Variants in RHPN1 observed in about 807,000 individuals in gnomAD.
RHPN1 encodes rhophilin Rho GTPase binding protein 1.
A neutral mutation model predicts 74.7 loss-of-function variants in RHPN1; 77 were observed. The observed-to-expected ratio is 1.03, with a 90% CI of 0.86 to 1.25. The LOEUF is 1.25. Ranked by LOEUF, RHPN1 falls within the 50% of genes most tolerant of loss-of-function variation. RHPN1 has a pLI of 0.00. For synonymous variants in RHPN1, 444 were observed against 414.5 expected, an observed-to-expected ratio of 1.07 and a Z score of -0.87; for missense variants, 987 against 932.2, an observed-to-expected ratio of 1.06 and a Z score of -0.77.
intron 8 of RHPN1, 88 bp downstream of exon 8, chr8:143,379,596 CTCCT>C (rs1239791608): frequency 2.7e-6 from 4 of 1,460,402 alleles, no homozygotes. Flanking sequence ...GCTCTCCCAC[CTCCT>C]TCCTTGTGTG....
At chr8:143,377,282 G>A (rs1818345460) in intron 3 of RHPN1, 98 bp from the exon 4 acceptor site, 2 of 895,002 alleles carry the variant, frequency 2.2e-6, no homozygotes, top group South Asian at 3.0e-5. Flanking sequence ...ATGAGGGAGG[G>A]AGGCACCCTG....
Position 143,381,914 on chromosome 8 carries a change from G to A in RHPN1, c.1743G>A (p.Ala581=), listed in dbSNP as rs761766709. 2.4e-5 allele frequency: 38 copies of A among 1,611,464 alleles called. 1 individual carries two copies. The highest frequency in any genetic ancestry group is 1.6e-4 in the East Asian group (7 of 44,868). ...VVTELKAAGE[A]GASLQVVSLL... ...CGGAGCTGAAGGCTGCGGGAGAGGC[G>A]GGCGCCAGCCTGCAGGTGGTGTCGC... Residue 581 remains alanine, a synonymous_variant, in exon 14 of 15, where the codon GCG becomes GCA. Transcript: ENST00000289013.
Position 143,375,564 on chromosome 8 carries a change from C to T in RHPN1, c.72C>T (p.Ser24=). Residue 24 remains serine (S), a synonymous_variant, in exon 2 of 15, where the codon TCC becomes TCT. Coordinates refer to ENST00000289013, the MANE Select transcript of RHPN1 (RefSeq NM_052924.3). ...EESPRLQGCD[S]LTQIQCGQLQ... Reference sequence around the variant, plus strand: ...TGGCCTCCCTGCAGGGCTGTGACTCCCTGACGCAGATCCAGTGCGGCCAGC... The same window carrying T: ...TGGCCTCCCTGCAGGGCTGTGACTCTCTGACGCAGATCCAGTGCGGCCAGC... The T allele has an allele frequency of 6.3e-7, 1 of 1,598,422 alleles. No homozygotes were observed. The highest frequency in any genetic ancestry group is 8.5e-7 in the Non-Finnish European group (1 of 1,174,680).
In RHPN1 at chr8:143,378,356, T is replaced by TCC; in HGVS notation, c.459+14_459+15dup. 3 of 1,525,440 alleles carry TCC rather than the reference T, an allele frequency of 2.0e-6. No homozygotes were observed. The highest frequency in any genetic ancestry group is 2.4e-5 in the South Asian group (2 of 83,568). The allele number at this position is 1,525,440 out of a possible 1,614,324, so 94.5% of individuals were successfully genotyped here. ...GGAGGCCCTGCGGCAGGTGTGTGGT[T>TCC]CCCCCGCCCACCCACCCTCCTGCAG... On this transcript the variant is annotated intron_variant, in intron 5 of 14. Coordinates refer to ENST00000289013, the MANE Select transcript of RHPN1 (RefSeq NM_052924.3).
chr8:143,381,194 C>A, intron 11 of RHPN1, 74 bp from the exon 12 acceptor site: 1 of 1,294,122 alleles, frequency 7.7e-7, no homozygotes, highest in Non-Finnish European at 1.1e-6. Flanking sequence ...CAGGGTCATG[C>A]CCTGCGCCCT....
chr8:143,382,843 C>T lies in RHPN1; in HGVS notation c.*192C>T. 1 of 595,680 alleles carries T rather than the reference C, an allele frequency of 1.7e-6. No individual in the cohort carries two copies. Among genetic ancestry groups the T allele is most frequent in the South Asian group, 2.0e-5 (1 of 48,812 alleles). The allele number at this position is 595,680 out of a possible 1,614,324, so 36.9% of individuals were successfully genotyped here. On this transcript the variant is annotated 3_prime_UTR_variant, in exon 15 of 15. Coordinates refer to ENST00000289013, the MANE Select transcript of RHPN1 (RefSeq NM_052924.3). ...AGTGATGGGAGCTGTGGCCTCTTCACCCACACACAGAAGGATGCCAGTCCC... is the reference window on the plus strand; with the variant it reads ...AGTGATGGGAGCTGTGGCCTCTTCATCCACACACAGAAGGATGCCAGTCCC...
intron 11 of RHPN1, 49 bp downstream of exon 11, chr8:143,380,832 G>A: frequency 7.0e-7 from 1 of 1,425,704 alleles, no homozygotes; most frequent in South Asian, 1.4e-5. Context: ...GCCAGGGTGG[G>A]GGCCTTCGTC....
chr8:143,379,994 C>T lies in RHPN1; in HGVS notation c.1102+9C>T, dbSNP rs1389445336. Reference sequence around the variant, plus strand: ...CCTCTGCGACGGCTCCCGTGAGTGCCCACCACACTTGCCCATGGTACTGCC... The same window carrying T: ...CCTCTGCGACGGCTCCCGTGAGTGCTCACCACACTTGCCCATGGTACTGCC... On this transcript the variant is annotated intron_variant, in intron 9 of 14. Coordinates refer to ENST00000289013, the MANE Select transcript of RHPN1 (RefSeq NM_052924.3). The T allele has an allele frequency of 3.2e-6, 5 of 1,557,164 alleles. No individual in the cohort carries two copies. Among genetic ancestry groups the T allele is most frequent in the Non-Finnish European group, 1.7e-6 (2 of 1,151,530 alleles).
chr8:143,365,027 C>T (rs1817541864), upstream of RHPN1, among the ~76,000 whole-genome samples: 1 of 152,106 alleles, frequency 6.6e-6, no homozygotes, highest in Admixed American at 6.6e-5. Context: ...GTTTGTGCAC[C>T]TCTAAATACA....
intron 11 of RHPN1, among the ~76,000 whole-genome samples, chr8:143,381,009 C>T (rs1449090392): frequency 6.6e-6 from 1 of 152,234 alleles, no homozygotes; most frequent in Non-Finnish European, 1.5e-5. Context: ...CACTGGCCTC[C>T]TACCCTGAGG....
At position 143,380,217 on chromosome 8, in the gene RHPN1, C is replaced by G. The variant is rs1015753419; in HGVS notation, c.1216+42C>G. On this transcript the variant is annotated intron_variant, in intron 10 of 14. Transcript: ENST00000289013. ...TGGAGTGCCCTGGGGCTCAGATGGTCACCAACGGTGGCAGGGTGTCCCCCA... is the reference window on the plus strand; with the variant it reads ...TGGAGTGCCCTGGGGCTCAGATGGTGACCAACGGTGGCAGGGTGTCCCCCA... 5 of 1,355,384 alleles carry G rather than the reference C, an allele frequency of 3.7e-6. No individual in the cohort carries two copies. The African/African-American group carries it at 7.3e-5, about 20-fold the overall frequency. The allele number at this position is 1,355,384 out of a possible 1,614,324, so 84.0% of individuals were successfully genotyped here.
chr8:143,382,505 A>G lies in RHPN1; in HGVS notation c.1867A>G (p.Thr623Ala). Residue 623 changes from threonine (T) to alanine (A), a missense_variant, in exon 15 of 15, where the codon ACC (threonine) becomes GCC (alanine). Transcript: ENST00000289013. The stretch of plus-strand genomic sequence containing the variant: ...GAGCCAGAGGGAGCATGGTTGCAAG[A>G]CCCCGGCATCCACGTGGGCCAGTCC... ...LRSQREHGCK[T>A]PASTWASPRP... 1 of 1,607,566 alleles carries G rather than the reference A, an allele frequency of 6.2e-7. No individual in the cohort carries two copies. Among genetic ancestry groups the G allele is most frequent in the Non-Finnish European group, 8.5e-7 (1 of 1,177,882 alleles).
chr8:143,369,104 G>GC (rs1006052406), intron 1 of RHPN1, 57 bp downstream of exon 1: 345 of 1,351,578 alleles, frequency 2.6e-4, no homozygotes, highest in Non-Finnish European at 3.1e-4. Context: ...GCCTTTTCCT[G>GC]CCCCCCCTCG....
chr8:143,375,588 G>C lies in RHPN1; in HGVS notation c.96G>C (p.Gln32His). Reference protein sequence around the residue: ...CDSLTQIQCGQLQSRRAQIHQ... With the variant: ...CDSLTQIQCGHLQSRRAQIHQ... ...CCCTGACGCAGATCCAGTGCGGCCAGCTGCAGAGCCGCAGGGCCCAGATTC... is the reference window on the plus strand; with the variant it reads ...CCCTGACGCAGATCCAGTGCGGCCACCTGCAGAGCCGCAGGGCCCAGATTC... The change falls in exon 2 of 15, where the codon CAG becomes CAC. Residue 32 changes from glutamine to histidine, a missense_variant. Gln to His is a conservative substitution (Grantham distance 24). Transcript: ENST00000289013. 6.2e-7 allele frequency: 1 copy of C among 1,606,018 alleles called. No homozygotes were observed. Among genetic ancestry groups the C allele is most frequent in the Non-Finnish European group, 8.5e-7 (1 of 1,177,458 alleles).
chr8:143,368,892 C>T lies in RHPN1; in HGVS notation c.-96C>T. The T allele has an allele frequency of 1.1e-6, 1 of 936,392 alleles. No homozygotes were observed. Among genetic ancestry groups the T allele is most frequent in the Non-Finnish European group, 1.4e-6 (1 of 701,742 alleles). 58.0% of individuals were successfully genotyped at this position (936,392 alleles called of 1,614,324 possible). A position where few individuals can be genotyped will look rare whatever the true frequency, so the allele number is the denominator to read the frequency against. ...GGCGCGGGCACTCAGGAGCCCGCGG[C>T]CCAGGTGGTGCGGGCGGCCCTAGCC... On this transcript the variant is annotated 5_prime_UTR_variant, in exon 1 of 15. Coordinates refer to ENST00000289013, the MANE Select transcript of RHPN1 (RefSeq NM_052924.3).
At chr8:143,370,973 G>A (rs893212798) in intron 1 of RHPN1, among the ~76,000 whole-genome samples, 9 of 152,182 alleles carry the variant, frequency 5.9e-5, no homozygotes, top group South Asian at 2.1e-4. Context: ...CCAGCATGCC[G>A]AGTGGGTCAG....
In RHPN1 at chr8:143,383,942, C is replaced by A; in HGVS notation, c.*1291C>A. 6.6e-6 allele frequency: 1 copy of A among 152,438 alleles called. No homozygotes were observed. The allele number at this position is 152,438 out of a possible 1,614,324, so 9.4% of individuals were successfully genotyped here. A position where few individuals can be genotyped will look rare whatever the true frequency, so the allele number is the denominator to read the frequency against. Reference sequence around the variant, plus strand: ...AGCAGCCTGCCCTGCATCCCAGGCTCTGGTTCCAGGGTCCAGGGCCCTGCG... The same window carrying A: ...AGCAGCCTGCCCTGCATCCCAGGCTATGGTTCCAGGGTCCAGGGCCCTGCG... On this transcript the variant is annotated 3_prime_UTR_variant, in exon 15 of 15. Coordinates refer to ENST00000289013, the MANE Select transcript of RHPN1 (RefSeq NM_052924.3).
At position 143,380,548 on chromosome 8, in the gene RHPN1, G is replaced by A. The variant is rs750680397; in HGVS notation, c.1217-41G>A. On this transcript the variant is annotated intron_variant, in intron 10 of 14. Transcript: ENST00000289013. ...CCTTCTGCCACGTCCCAGGGCCCACGGGCCCACATGGTGTGTGACATCCCA... is the reference window on the plus strand; with the variant it reads ...CCTTCTGCCACGTCCCAGGGCCCACAGGCCCACATGGTGTGTGACATCCCA... 21 of 1,437,610 alleles carry A rather than the reference G, an allele frequency of 1.5e-5. No individual in the cohort carries two copies. In the Admixed American group the frequency reaches 2.4e-4, roughly 17 times the overall value. 89.1% of individuals were successfully genotyped at this position (1,437,610 alleles called of 1,614,324 possible). A position where few individuals can be genotyped will look rare whatever the true frequency, so the allele number is the denominator to read the frequency against.
In RHPN1 at chr8:143,372,286, C is replaced by T. The variant is rs183917983; in HGVS notation, c.60+3239C>T. ...GCAGAGGCCCTCGAGGTGGTAGCGC[C>T]GGTGGGAAAGGTAGGGATGGGAGGC... On this transcript the variant is annotated intron_variant, in intron 1 of 14. Coordinates refer to ENST00000289013, the MANE Select transcript of RHPN1 (RefSeq NM_052924.3). Among the ~76,000 whole-genome samples the T allele has an allele frequency of 2.9e-3, 275 of 95,722 alleles. 9 individuals are homozygous for T. In the Admixed American group the frequency reaches 0.032, roughly 11 times the overall value. 62.8% of individuals were successfully genotyped at this position (95,722 alleles called of 152,430 possible).
Sources: gnomAD v4.1 joint callset for allele counts (sites outside exome capture counted in the v4.1 genomes callset) on GRCh38, gnomAD v4.1.1 for gene constraint, MANE v1.5 for transcripts, NCBI Gene and HGNC (gene_info 2026-07-23, HGNC 2026-07-21) for gene names.